The following ALK variants were observed in gnomAD, a reference collection of about 807,000 sequenced individuals.
ALK encodes ALK receptor tyrosine kinase.
ALK carries 74 observed loss-of-function variants against 163.1 expected under a neutral mutation model. The observed-to-expected ratio is 0.45, with a 90% CI of 0.38 to 0.55. The LOEUF (loss-of-function observed/expected upper bound fraction) is 0.55. Among genes scored for constraint, ALK ranks in the 20% least tolerant of loss-of-function variants. The pLI is 0.00. For missense variants in ALK, 2,063 were observed against 2,105.3 expected (o/e 0.98, Z 0.39); for synonymous variants, 960 against 843.2 (o/e 1.14, Z -2.40).
Position 29,197,646 on chromosome 2 carries a change from A to G in ALK, c.3969T>C (p.Phe1323=), listed in dbSNP as rs1372668818. 6.2e-7 allele frequency: 1 copy of G among 1,613,928 alleles called. No individual in the cohort carries two copies. Among genetic ancestry groups the G allele is most frequent in the African/African-American group, 1.3e-5 (1 of 74,908 alleles). Reference sequence around the variant, plus strand: ...TGGGGTATGGCATATATCCAAGAGAAAAGATTTCCCATAGCAGCACTCCAA... The same window carrying G: ...TGGGGTATGGCATATATCCAAGAGAGAAGATTTCCCATAGCAGCACTCCAA... The part of the protein sequence containing the change: ...WSFGVLLWEI[F]SLGYMPYPSK... Residue 1323 remains phenylalanine, a synonymous_variant, in exon 27 of 29, where the codon TTT becomes TTC. Coordinates refer to ENST00000389048, the MANE Select transcript of ALK (RefSeq NM_004304.5).
chr2:29,270,533 G>C (rs1321242747), intron 11 of ALK, among the ~76,000 whole-genome samples: 1 of 152,204 alleles, frequency 6.6e-6, no homozygotes, highest in Non-Finnish European at 1.5e-5. Flanking sequence ...AACTTTCCTT[G>C]AGGGATGGTT....
At chr2:29,305,561 G>A (rs1030177956) in intron 8 of ALK, among the ~76,000 whole-genome samples, 2 of 152,176 alleles carry the variant, frequency 1.3e-5, no homozygotes, top group Admixed American at 1.3e-4. Flanking sequence ...CCCTTACACA[G>A]TCCTTGGTTA....
chr2:29,800,226 G>C (rs759447343), intron 1 of ALK, among the ~76,000 whole-genome samples: 40 of 152,218 alleles, frequency 2.6e-4, no homozygotes, highest in Non-Finnish European at 5.3e-4. Context: ...ATGGCTGAGA[G>C]ATAGCAGGAT....
At chr2:29,233,795 T>C in intron 13 of ALK, 99 bp from the exon 14 acceptor site, 1 of 1,542,552 alleles carries the variant, frequency 6.5e-7, no homozygotes, top group Non-Finnish European at 8.9e-7. Context: ...TCTGACTCTC[T>C]CTCAAAAAAC....
At chr2:29,609,853 G>T (rs896751142) in intron 3 of ALK, among the ~76,000 whole-genome samples, 1 of 151,878 alleles carries the variant, frequency 6.6e-6, no homozygotes, top group Non-Finnish European at 1.5e-5. Flanking sequence ...TGTTGCCCAG[G>T]CTGGTCTTGA....
intron 1 of ALK, among the ~76,000 whole-genome samples, chr2:29,724,378 A>T (rs1408742167): frequency 6.6e-6 from 1 of 152,196 alleles, no homozygotes; most frequent in East Asian, 1.9e-4. Flanking sequence ...AATGTGGCCA[A>T]ATAAATAGTG....
chr2:29,237,651 T>C (rs189906632), intron 13 of ALK, among the ~76,000 whole-genome samples: 2 of 152,292 alleles, frequency 1.3e-5, no homozygotes, highest in African/African-American at 4.8e-5. Context: ...ACTCAATAAA[T>C]ATTGGTTAAA....
intron 1 of ALK, among the ~76,000 whole-genome samples, chr2:29,835,901 C>T (rs919794353): frequency 6.6e-6 from 1 of 152,162 alleles, no homozygotes; most frequent in Non-Finnish European, 1.5e-5. Context: ...ACCTCTTTTT[C>T]TTTACAAATC....
chr2:29,243,910 T>C (rs1664586739), intron 12 of ALK, among the ~76,000 whole-genome samples: 1 of 152,262 alleles, frequency 6.6e-6, no homozygotes, highest in South Asian at 2.1e-4. Context: ...TTTTTTGTTT[T>C]TTCCTCATCT....
At chr2:29,269,801 T>TCCC (rs149023613) in intron 11 of ALK, among the ~76,000 whole-genome samples, 2 of 150,700 alleles carry the variant, frequency 1.3e-5, no homozygotes, top group African/African-American at 2.4e-5. Flanking sequence ...TAATGAACAG[T>TCCC]CCCCCCCCAG....
At chr2:29,375,811 C>T (rs1668740282) in intron 5 of ALK, among the ~76,000 whole-genome samples, 1 of 152,196 alleles carries the variant, frequency 6.6e-6, no homozygotes, top group Non-Finnish European at 1.5e-5. Flanking sequence ...AATGTTGGAA[C>T]TGCTTTGGAG....
chr2:29,577,395 A>G (rs572841945), intron 3 of ALK, among the ~76,000 whole-genome samples: 2 of 152,278 alleles, frequency 1.3e-5, no homozygotes, highest in South Asian at 4.1e-4. Context: ...CCCCTCCCTC[A>G]GGTGTGACAA....
chr2:29,539,694 ACAACAT>A (rs1406009499), intron 3 of ALK, among the ~76,000 whole-genome samples: 1 of 152,176 alleles, frequency 6.6e-6, no homozygotes, highest in Non-Finnish European at 1.5e-5. Flanking sequence ...AATTGCCAAC[ACAACAT>A]CAAGTGGGAC....
At position 29,921,182 on chromosome 2, in the gene ALK, C is replaced by G. The variant is rs1435900935; in HGVS notation, c.-523G>C. 4.3e-6 allele frequency: 1 copy of G among 235,160 alleles called. No homozygotes were observed. The highest frequency in any genetic ancestry group is 6.0e-5 in the East Asian group (1 of 16,606). The allele number at this position is 235,160 out of a possible 1,614,324, so 14.6% of individuals were successfully genotyped here. A position where few individuals can be genotyped will look rare whatever the true frequency, so the allele number is the denominator to read the frequency against. ...TTTGGCTCCTCCAAGCTCTTCTGCC[C>G]GGTCTGGGCGGGAACCGAGGGCGGA... On this transcript the variant is annotated 5_prime_UTR_variant, in exon 1 of 29. Transcript: ENST00000389048.
intron 4 of ALK, among the ~76,000 whole-genome samples, chr2:29,486,466 T>C (rs991019751): frequency 4.6e-5 from 7 of 152,188 alleles, no homozygotes; most frequent in Non-Finnish European, 8.8e-5. Context: ...ATAATGTTCT[T>C]AGACTTAAAT....
chr2:29,749,563 C>T (rs1558471293), intron 1 of ALK, among the ~76,000 whole-genome samples: 1 of 152,078 alleles, frequency 6.6e-6, no homozygotes, highest in Admixed American at 6.5e-5. Context: ...ACAGGGAAGA[C>T]CTCAGGCCCA....
At chr2:29,752,079 G>T (rs1680379355) in intron 1 of ALK, among the ~76,000 whole-genome samples, 1 of 152,138 alleles carries the variant, frequency 6.6e-6, no homozygotes, top group Admixed American at 6.5e-5. Flanking sequence ...ACTCTACAAA[G>T]ACGTTCTGAA....
chr2:29,542,736 G>A (rs987613661), intron 3 of ALK, among the ~76,000 whole-genome samples: 1 of 152,118 alleles, frequency 6.6e-6, no homozygotes, highest in Admixed American at 6.5e-5. Flanking sequence ...TCAATACATT[G>A]TATCTAGGTA....
intron 4 of ALK, among the ~76,000 whole-genome samples, chr2:29,490,001 A>T (rs1671863882): frequency 1.3e-5 from 2 of 152,256 alleles, no homozygotes; most frequent in African/African-American, 4.8e-5. Flanking sequence ...GAACATGGGG[A>T]CAGGCTCTTG....
Sources: gnomAD v4.1 joint callset for allele counts (sites outside exome capture counted in the v4.1 genomes callset) on GRCh38, gnomAD v4.1.1 for gene constraint, MANE v1.5 for transcripts, NCBI Gene and HGNC (gene_info 2026-07-23, HGNC 2026-07-21) for gene names.